Variants in CREM observed in about 807,000 individuals in gnomAD.
CREM encodes the protein cAMP responsive element modulator.
A neutral mutation model predicts 37.3 loss-of-function variants in CREM; 13 were observed. The observed-to-expected ratio is 0.35, with a 90% CI of 0.23 to 0.55. The LOEUF is 0.55. Among genes scored for constraint, CREM ranks in the 20% least tolerant of loss-of-function variants. CREM has a pLI of 0.88. For synonymous variants in CREM, 124 were observed against 120.2 expected (o/e 1.03, Z -0.21); for missense variants, 296 against 362.3 (o/e 0.82, Z 1.49).
rs368183886 is a variant in CREM at position 35,131,981 on chromosome 10, C to T, written c.-55+4788C>T. ...CTGTAATCCCAGTGCTTTGGGAGGC[C>T]GAGGCGGGCAAATCAGGAGACCAGC... On this transcript the variant is annotated intron_variant, in intron 1 of 7. Coordinates refer to ENST00000685392, the MANE Select transcript of CREM (RefSeq NM_183011.2). Among the ~76,000 whole-genome samples the T allele has an allele frequency of 5.9e-5, 9 of 151,990 alleles. No homozygotes were observed. In the South Asian group the frequency reaches 6.2e-4, roughly 10 times the overall value.
intron 2 of CREM, among the ~76,000 whole-genome samples, chr10:35,145,848 CTG>C (rs2092047057): frequency 6.8e-6 from 1 of 147,156 alleles, no homozygotes; most frequent in African/African-American, 2.5e-5. Context: ...TGCCAATAAA[CTG>C]TGTTTCTCAA....
intron 5 of CREM, among the ~76,000 whole-genome samples, chr10:35,186,225 G>T (rs1176508830): frequency 6.6e-6 from 1 of 152,130 alleles, no homozygotes; most frequent in Non-Finnish European, 1.5e-5. Flanking sequence ...GAAGCATGCA[G>T]TTGGAATCTT....
In CREM at chr10:35,177,466, T is replaced by A. The variant is rs187400026; in HGVS notation, c.169-1423T>A. Among the ~76,000 whole-genome samples, 182 of 152,320 alleles carry A rather than the reference T, an allele frequency of 1.2e-3. 1 individual carries two copies. Among genetic ancestry groups the A allele is most frequent in the African/African-American group, 4.3e-3 (180 of 41,564 alleles). On this transcript the variant is annotated intron_variant, in intron 3 of 7. Transcript: ENST00000685392. Reference sequence around the variant, plus strand: ...GGAAGAAAGTATTGTCTATTATTATTATTTATTATTTAATAGAGACAGAAT... The same window carrying A: ...GGAAGAAAGTATTGTCTATTATTATAATTTATTATTTAATAGAGACAGAAT...
intron 3 of CREM, among the ~76,000 whole-genome samples, chr10:35,177,872 G>A (rs777314811): frequency 1.3e-5 from 2 of 152,120 alleles, no homozygotes; most frequent in Non-Finnish European, 2.9e-5. Flanking sequence ...TTAATATTTG[G>A]TGGTGATATA....
Position 35,154,944 on chromosome 10 carries a change from C to G in CREM, c.168+6453C>G. Reference sequence around the variant, plus strand: ...ATTTTGATAATTTTGTATATAATAGCTAGTATATTTCTTTAAAAGTTTGTT... The same window carrying G: ...ATTTTGATAATTTTGTATATAATAGGTAGTATATTTCTTTAAAAGTTTGTT... On this transcript the variant is annotated intron_variant, in intron 3 of 7. Coordinates refer to ENST00000685392, the MANE Select transcript of CREM (RefSeq NM_183011.2). 2.0e-5 allele frequency among the ~76,000 whole-genome samples: 3 copies of G among 151,884 alleles called. 1 individual carries two copies. The South Asian group carries it at 6.2e-4, about 31-fold the overall frequency.
intron 6 of CREM, among the ~76,000 whole-genome samples, chr10:35,189,773 C>T (rs2094832652): frequency 1.3e-5 from 2 of 152,152 alleles, no homozygotes; most frequent in South Asian, 2.1e-4. Context: ...ACCTTGGCCT[C>T]CCAAAGTGCT....
At chr10:35,180,911 G>A (rs2094324131) in intron 5 of CREM, among the ~76,000 whole-genome samples, 1 of 152,194 alleles carries the variant, frequency 6.6e-6, no homozygotes, top group Non-Finnish European at 1.5e-5. Flanking sequence ...CTGTACACAT[G>A]TCATCATGTT....
In CREM at chr10:35,126,950, G is replaced by A. The variant is rs539833331; in HGVS notation, c.-298G>A. The A allele has an allele frequency of 6.6e-6, 1 of 152,250 alleles. No homozygotes were observed. The allele number at this position is 152,250 out of a possible 1,614,324, so 9.4% of individuals were successfully genotyped here. A position where few individuals can be genotyped will look rare whatever the true frequency, so the allele number is the denominator to read the frequency against. The stretch of plus-strand genomic sequence containing the variant: ...CTCCCCCGGGAGGCCGTCCCGGCGT[G>A]GGGGAGGGGAGGACGGGGCGGGAGG... On this transcript the variant is annotated 5_prime_UTR_variant, in exon 1 of 8. Transcript: ENST00000685392.
chr10:35,129,313 T>A (rs944380556), intron 1 of CREM, among the ~76,000 whole-genome samples: 6 of 152,174 alleles, frequency 3.9e-5, no homozygotes, highest in African/African-American at 1.4e-4. Flanking sequence ...GAAATTTACT[T>A]CTTCTTCCTG....
chr10:35,176,991 A>G (rs1203359131), intron 3 of CREM, among the ~76,000 whole-genome samples: 2 of 152,134 alleles, frequency 1.3e-5, no homozygotes, highest in African/African-American at 4.8e-5. Flanking sequence ...TAAAGTATGC[A>G]TCTTAATTAC....
At chr10:35,204,165 C>A (rs1476198679) in intron 6 of CREM, among the ~76,000 whole-genome samples, 3 of 152,226 alleles carry the variant, frequency 2.0e-5, no homozygotes, top group African/African-American at 4.8e-5. Flanking sequence ...TAGTTTATAA[C>A]TGGCTTAACG....
intron 3 of CREM, among the ~76,000 whole-genome samples, chr10:35,167,228 A>G (rs548547904): frequency 6.6e-6 from 1 of 152,324 alleles, no homozygotes; most frequent in South Asian, 2.1e-4. Context: ...TCAGCTTTAA[A>G]ACATTTGAAA....
At chr10:35,154,504 C>T in intron 3 of CREM, 1 of 156,042 alleles carries the variant, frequency 6.4e-6, no homozygotes. Flanking sequence ...CTGAGGGACT[C>T]CTACTGAAGG....
rs370650746 is a variant in CREM, at chr10:35,167,831, C to T, written c.169-11058C>T. The T allele has an allele frequency of 1.7e-4, 275 of 1,583,578 alleles. 1 individual carries two copies. The highest frequency in any genetic ancestry group is 2.3e-4 in the Non-Finnish European group (268 of 1,153,174). On this transcript the variant is annotated intron_variant, in intron 3 of 7. Transcript: ENST00000685392. The stretch of plus-strand genomic sequence containing the variant: ...AAATGATGTCTGCTATAAGTACCTT[C>T]ACACTTTTAAAGCCTTGTGAAAAGA...
intron 5 of CREM, among the ~76,000 whole-genome samples, chr10:35,183,255 T>C (rs551698888): frequency 2.0e-5 from 3 of 152,206 alleles, no homozygotes; most frequent in Admixed American, 1.3e-4. Context: ...AACTGCACCA[T>C]TATGAAAAGA....
At chr10:35,197,476 G>T (rs927677267) in intron 6 of CREM, among the ~76,000 whole-genome samples, 1 of 145,946 alleles carries the variant, frequency 6.9e-6, no homozygotes, top group Non-Finnish European at 1.5e-5. Flanking sequence ...TTTATGAGAC[G>T]GAGTCTCGCT....
At chr10:35,135,242 C>T (rs951202236) in intron 1 of CREM, among the ~76,000 whole-genome samples, 2 of 152,156 alleles carry the variant, frequency 1.3e-5, no homozygotes, top group African/African-American at 2.4e-5. Context: ...CTCATTTCTT[C>T]TTATAAGTTA....
At chr10:35,190,258 A>G (rs571522668) in intron 6 of CREM, among the ~76,000 whole-genome samples, 2 of 152,088 alleles carry the variant, frequency 1.3e-5, no homozygotes, top group African/African-American at 2.4e-5. Flanking sequence ...ATTTTCTTCT[A>G]TTTGCTTTAT....
chr10:35,208,512 T>C (rs1015157250), intron 7 of CREM, among the ~76,000 whole-genome samples: 2 of 152,236 alleles, frequency 1.3e-5, no homozygotes, highest in Non-Finnish European at 2.9e-5. Context: ...CCAGTAGTCT[T>C]GTCACCTTAG....
Sources: allele counts gnomAD v4.1 joint callset (sites outside exome capture counted in the v4.1 genomes callset), GRCh38; gene constraint gnomAD v4.1.1; transcripts MANE v1.5; gene names NCBI Gene and HGNC (gene_info 2026-07-23, HGNC 2026-07-21).